Variants in EPC1 observed in about 807,000 individuals in gnomAD.
The protein encoded by EPC1 is enhancer of polycomb homolog 1.
In EPC1, 12 loss-of-function variants were observed where a neutral mutation model predicts 98.4. The ratio of observed to expected loss-of-function variants is 0.12; its 90% CI spans 0.08 to 0.20. The LOEUF (loss-of-function observed/expected upper bound fraction) is 0.20. EPC1 is among the 10% of genes least tolerant of loss of function. EPC1 has a pLI of 1.00. For missense variants in EPC1, 729 were observed against 990.5 expected, an observed-to-expected ratio of 0.74 and a Z score of 3.54; for synonymous variants, 357 against 363.9, an observed-to-expected ratio of 0.98 and a Z score of 0.21.
chr10:32,312,122 C>G (rs1836270317), intron 1 of EPC1, among the ~76,000 whole-genome samples: 1 of 152,112 alleles, frequency 6.6e-6, no homozygotes. Context: ...GCCAGTGAGG[C>G]TGAAGCACAG....
chr10:32,272,969 T>C, intron 11 of EPC1, 194 bp downstream of exon 11: 1 of 1,536,824 alleles, frequency 6.5e-7, no homozygotes, highest in Non-Finnish European at 9.0e-7. Flanking sequence ...TGCTTTAGTT[T>C]TACTTTTTAA....
intron 10 of EPC1, among the ~76,000 whole-genome samples, chr10:32,278,371 GTTTTTTTTTTTTT>G (rs1836214402): frequency 1.9e-5 from 2 of 102,574 alleles, no homozygotes; most frequent in East Asian, 5.7e-4. Context: ...GTTTTTTTTT[GTTTTTTTTTTTTT>G]GTTTTTTTTT....
intron 10 of EPC1, among the ~76,000 whole-genome samples, chr10:32,278,450 C>T (rs866898507): frequency 6.3e-5 from 7 of 110,474 alleles, no homozygotes; most frequent in East Asian, 2.8e-4. Context: ...GGCAGGATCT[C>T]GGCTCACTGC....
chr10:32,329,940 G>A lies in EPC1; in HGVS notation c.153+16823C>T, dbSNP rs189582200. Among the ~76,000 whole-genome samples the A allele has an allele frequency of 5.4e-3, 824 of 152,336 alleles. 12 individuals carry two copies. Among genetic ancestry groups the A allele is most frequent in the Non-Finnish European group, 4.4e-3 (296 of 68,036 alleles). Reference sequence around the variant, plus strand: ...GAGCTGAGATCTGAAGGATCTGTGGGAGATTACTAAACCAACCCACAGGGG... The same window carrying A: ...GAGCTGAGATCTGAAGGATCTGTGGAAGATTACTAAACCAACCCACAGGGG... On this transcript the variant is annotated intron_variant, in intron 1 of 13. Coordinates refer to ENST00000319778, the MANE Select transcript of EPC1 (RefSeq NM_001272004.3).
At position 32,272,105 on chromosome 10, in the gene EPC1, T is replaced by C; in HGVS notation, c.1926A>G (p.Thr642=). 1 of 1,614,066 alleles carries C rather than the reference T, an allele frequency of 6.2e-7. No homozygotes were observed. Among genetic ancestry groups the C allele is most frequent in the Non-Finnish European group, 8.5e-7 (1 of 1,180,006 alleles). ...TCTTGAATCCCATCAGTTGTTCTGA[T>C]GTCACCAAAGCAGAAGCAGCAAACT... The part of the protein sequence containing the change: ...SAQFAASALV[T]SEQLMGFKMK... Residue 642 remains threonine, a synonymous_variant, in exon 12 of 14, where the codon ACA becomes ACG. Coordinates refer to ENST00000319778, the MANE Select transcript of EPC1 (RefSeq NM_001272004.3).
chr10:32,361,257 A>G (rs1457353637), intron 1 of EPC1, among the ~76,000 whole-genome samples: 2 of 152,192 alleles, frequency 1.3e-5, no homozygotes, highest in African/African-American at 4.8e-5. Context: ...TGTAAACATG[A>G]ATGAGATTTA....
chr10:32,346,251 C>A (rs1229072572), intron 1 of EPC1, among the ~76,000 whole-genome samples: 1 of 152,218 alleles, frequency 6.6e-6, no homozygotes, highest in Non-Finnish European at 1.5e-5. Flanking sequence ...CTTCCCAGAC[C>A]ATGGGGCAAT....
chr10:32,333,845 C>T (rs1448534690), intron 1 of EPC1, among the ~76,000 whole-genome samples: 1 of 152,144 alleles, frequency 6.6e-6, no homozygotes, highest in Admixed American at 6.5e-5. Context: ...ATATGATTTT[C>T]AACTAATAGA....
chr10:32,271,290 A>G (rs750302976), intron 13 of EPC1, among the ~76,000 whole-genome samples: 1 of 152,152 alleles, frequency 6.6e-6, no homozygotes, highest in Non-Finnish European at 1.5e-5. Context: ...TGCACCTGGT[A>G]TAACTATTGT....
upstream of EPC1, among the ~76,000 whole-genome samples, chr10:32,349,737 C>T (rs1037780459): frequency 6.6e-6 from 1 of 152,116 alleles, no homozygotes; most frequent in African/African-American, 2.4e-5. Context: ...GTAGCTGGGA[C>T]TAAAGGTACA....
At position 32,273,272 on chromosome 10, in the gene EPC1, G is replaced by A; in HGVS notation, c.1754C>T (p.Ala585Val). Residue 585 changes from alanine to valine, a missense_variant, in exon 11 of 14, where the codon GCC (alanine) becomes GTC (valine). By Grantham distance (64) the Ala-to-Val change is moderately conservative. This residue lies in a region of EPC1 where 390 missense variants were observed against 438.6 expected (regional missense o/e 0.89). Coordinates refer to ENST00000319778, the MANE Select transcript of EPC1 (RefSeq NM_001272004.3). ...SSGSAHFAFT[A>V]EQYQQHQQQL... ...CTGTTGATGTTGCTGGTATTGTTCGGCTGTAAATGCTGAACATAAAATAAA... is the reference window on the plus strand; with the variant it reads ...CTGTTGATGTTGCTGGTATTGTTCGACTGTAAATGCTGAACATAAAATAAA... 6.2e-7 allele frequency: 1 copy of A among 1,613,932 alleles called. No homozygotes were observed. Among genetic ancestry groups the A allele is most frequent in the Non-Finnish European group, 8.5e-7 (1 of 1,179,884 alleles).
chr10:32,291,492 ACTCTT>A (rs1834847577), intron 5 of EPC1, 170 bp from the exon 6 acceptor site: 1 of 529,844 alleles, frequency 1.9e-6, no homozygotes. Flanking sequence ...CTTAAGATCT[ACTCTT>A]AGCAAATTTC....
chr10:32,367,930 C>T (rs1418694987), intron 1 of EPC1, among the ~76,000 whole-genome samples: 1 of 152,194 alleles, frequency 6.6e-6, no homozygotes, highest in Admixed American at 6.5e-5. Flanking sequence ...AATGTAAACT[C>T]ATAATTGTCA....
At chr10:32,347,987 C>T (rs1446999555), upstream of EPC1, among the ~76,000 whole-genome samples, 1 of 152,134 alleles carries the variant, frequency 6.6e-6, no homozygotes, top group Non-Finnish European at 1.5e-5. Flanking sequence ...TTATTACCCA[C>T]CACTATAACA....
chr10:32,274,152 A>C (rs767035799), intron 10 of EPC1: 2 of 151,888 alleles, frequency 1.3e-5, no homozygotes, highest in Non-Finnish European at 2.9e-5. Flanking sequence ...AAAAAAGCAC[A>C]TACAATCACA....
intron 6 of EPC1, among the ~76,000 whole-genome samples, chr10:32,287,562 T>C (rs892643228): frequency 3.3e-5 from 5 of 152,170 alleles, no homozygotes; most frequent in Non-Finnish European, 5.9e-5. Context: ...CAACTGCAAT[T>C]AGTGTATTTA....
At chr10:32,346,289 G>A (rs1246598051) in intron 1 of EPC1, among the ~76,000 whole-genome samples, 1 of 152,142 alleles carries the variant, frequency 6.6e-6, no homozygotes, top group Non-Finnish European at 1.5e-5. Context: ...CACAGAACCT[G>A]CGCTCCCGGC....
intron 1 of EPC1, among the ~76,000 whole-genome samples, chr10:32,342,886 T>G (rs1271665642): frequency 1.3e-5 from 2 of 152,220 alleles, no homozygotes; most frequent in Non-Finnish European, 2.9e-5. Flanking sequence ...AGCTCCAATT[T>G]TAATCAAGAG....
intron 1 of EPC1, among the ~76,000 whole-genome samples, chr10:32,313,922 A>G (rs555007270): frequency 6.6e-6 from 1 of 152,136 alleles, no homozygotes; most frequent in South Asian, 2.1e-4. Flanking sequence ...AAAAGAGAAG[A>G]GGGAATAGAG....
Sources: allele counts gnomAD v4.1 joint callset (sites outside exome capture counted in the v4.1 genomes callset), GRCh38; gene constraint gnomAD v4.1.1; regional missense constraint gnomAD v4.1.1; transcripts MANE v1.5; gene names NCBI Gene and HGNC (gene_info 2026-07-23, HGNC 2026-07-21).